The following ALK variants were observed in gnomAD, a reference collection of about 807,000 sequenced individuals.
ALK encodes ALK tyrosine kinase receptor.
Under a neutral mutation model 163.1 loss-of-function variants are expected in ALK, and 74 were observed. That is an observed-to-expected ratio of 0.45 (90% CI 0.38 to 0.55). ALK has a LOEUF of 0.55. ALK is among the 20% of genes least tolerant of loss of function. The pLI is 0.00. For missense variants in ALK, 2,063 were observed against 2,105.3 expected, an observed-to-expected ratio of 0.98 and a Z score of 0.39; for synonymous variants, 960 against 843.2, an observed-to-expected ratio of 1.14 and a Z score of -2.40.
At chr2:29,830,997 GAAGAAGAAGAA>G (rs1665374120) in intron 1 of ALK, among the ~76,000 whole-genome samples, 1 of 54,940 alleles carries the variant, frequency 1.8e-5, no homozygotes, top group Non-Finnish European at 3.7e-5. Flanking sequence ...AGAAGAAGAA[GAAGAAGAAGAA>G]GAAGGGGAAG....
intron 4 of ALK, among the ~76,000 whole-genome samples, chr2:29,481,850 A>C (rs4265967): frequency 0.55 from 83,398 of 151,510 alleles, 23,446 homozygotes; most frequent in Middle Eastern, 0.65. Context: ...GGTCAAGGTG[A>C]TATTTAAAAC....
intron 1 of ALK, among the ~76,000 whole-genome samples, chr2:29,831,976 G>T (rs575941111): frequency 6.6e-6 from 1 of 152,190 alleles, no homozygotes; most frequent in Non-Finnish European, 1.5e-5. Flanking sequence ...TGGTCTTATC[G>T]TTCAAAGATC....
chr2:29,499,340 G>T (rs55774296), intron 4 of ALK, among the ~76,000 whole-genome samples: 10,299 of 152,156 alleles, frequency 0.068, 481 homozygotes, highest in Non-Finnish European at 0.1. Flanking sequence ...GGAATTACAG[G>T]TGTGCACCAC....
intron 2 of ALK, among the ~76,000 whole-genome samples, chr2:29,716,599 G>T (rs1162691937): frequency 2.0e-5 from 3 of 152,080 alleles, no homozygotes; most frequent in Admixed American, 2.0e-4. Flanking sequence ...GTGGTACCTG[G>T]GAGAAAAAAT....
At position 29,460,924 on chromosome 2, in the gene ALK, C is replaced by T. The variant is rs188590192; in HGVS notation, c.1154+70991G>A. 2.0e-5 allele frequency among the ~76,000 whole-genome samples: 3 copies of T among 152,172 alleles called. No individual in the cohort carries two copies. In the East Asian group the frequency reaches 5.8e-4, roughly 29 times the overall value. ...AAGCTAGGCCTCTTGCACCAAATAG[C>T]CAAGTTGTGAATGCAAAGGAAAAGT... On this transcript the variant is annotated intron_variant, in intron 4 of 28. Transcript: ENST00000389048.
At chr2:29,919,764 T>G (rs1254443401) in intron 1 of ALK, among the ~76,000 whole-genome samples, 1 of 151,956 alleles carries the variant, frequency 6.6e-6, no homozygotes, top group Non-Finnish European at 1.5e-5. Flanking sequence ...AGTATGAAAC[T>G]TTTCCCCCAA....
chr2:29,664,869 G>A lies in ALK; in HGVS notation c.952+29981C>T, dbSNP rs73921147. Among the ~76,000 whole-genome samples the A allele has an allele frequency of 9.3e-3, 1,416 of 152,130 alleles. 31 individuals are homozygous for A. The highest frequency in any genetic ancestry group is 0.03 in the African/African-American group (1,261 of 41,516). On this transcript the variant is annotated intron_variant, in intron 3 of 28. Transcript: ENST00000389048. ...TATAATAGTCTTCCATATCACTTAC[G>A]GAGGTTCAGAACTTGTCCAAGGCTG...
chr2:29,641,524 G>A (rs1676702515), intron 3 of ALK, among the ~76,000 whole-genome samples: 1 of 152,076 alleles, frequency 6.6e-6, no homozygotes, highest in South Asian at 2.1e-4. Context: ...AGTCATTCAT[G>A]CTTTTATTGT....
chr2:29,295,064 A>G (rs1666136475), intron 9 of ALK, among the ~76,000 whole-genome samples: 1 of 152,136 alleles, frequency 6.6e-6, no homozygotes, highest in African/African-American at 2.4e-5. Context: ...GAATGGAAGC[A>G]CTCTTGTTTT....
At chr2:29,228,617 A>C in intron 16 of ALK, among the ~76,000 whole-genome samples, 1 of 152,066 alleles carries the variant, frequency 6.6e-6, no homozygotes, top group Admixed American at 6.5e-5. Context: ...TGGCAAGCCA[A>C]AGCCTCTTTA....
chr2:29,567,314 T>C (rs1327668291), intron 3 of ALK, among the ~76,000 whole-genome samples: 1 of 152,214 alleles, frequency 6.6e-6, no homozygotes, highest in Non-Finnish European at 1.5e-5. Context: ...TAAGATCATA[T>C]GACTAGGCCC....
intron 1 of ALK, among the ~76,000 whole-genome samples, chr2:29,849,396 C>G (rs772357544): frequency 3.9e-5 from 6 of 152,210 alleles, no homozygotes; most frequent in Non-Finnish European, 5.9e-5. Context: ...AGAAGAGGGA[C>G]TACCCACAGA....
At chr2:29,737,997 A>T (rs1315268611) in intron 1 of ALK, among the ~76,000 whole-genome samples, 2 of 152,068 alleles carry the variant, frequency 1.3e-5, no homozygotes, top group African/African-American at 2.4e-5. Context: ...GGTGGGCCTA[A>T]TTTGAGCCCT....
At chr2:29,859,958 G>A (rs1016812325) in intron 1 of ALK, among the ~76,000 whole-genome samples, 1 of 152,166 alleles carries the variant, frequency 6.6e-6, no homozygotes, top group African/African-American at 2.4e-5. Flanking sequence ...AAGGATGGGA[G>A]AAAGGAGTCA....
intron 12 of ALK, among the ~76,000 whole-genome samples, chr2:29,247,731 C>T (rs938282872): frequency 2.6e-5 from 4 of 152,156 alleles, no homozygotes; most frequent in Non-Finnish European, 5.9e-5. Flanking sequence ...GTAGCATTCG[C>T]TCCCTTCCCT....
chr2:29,871,660 A>G (rs1485147963), intron 1 of ALK, among the ~76,000 whole-genome samples: 1 of 152,200 alleles, frequency 6.6e-6, no homozygotes, highest in East Asian at 1.9e-4. Flanking sequence ...AGAGCTTTGG[A>G]CACTCTACAG....
intron 1 of ALK, among the ~76,000 whole-genome samples, chr2:29,846,255 C>A (rs1032288418): frequency 3.3e-5 from 5 of 152,206 alleles, no homozygotes; most frequent in African/African-American, 4.8e-5. Flanking sequence ...ACTTGCCCCC[C>A]CACCTGACCG....
chr2:29,611,624 A>G (rs1051770466), intron 3 of ALK, among the ~76,000 whole-genome samples: 7 of 152,166 alleles, frequency 4.6e-5, no homozygotes, highest in African/African-American at 1.7e-4. Context: ...TTGAAATGTA[A>G]TCCCCACAGT....
At chr2:29,229,550 A>T (rs1408977487) in intron 15 of ALK, among the ~76,000 whole-genome samples, 2 of 152,204 alleles carry the variant, frequency 1.3e-5, no homozygotes, top group Admixed American at 6.5e-5. Flanking sequence ...TCCTTGCAGG[A>T]ATCCTGGACT....
Sources: gnomAD v4.1 joint callset for allele counts (sites outside exome capture counted in the v4.1 genomes callset) on GRCh38, gnomAD v4.1.1 for gene constraint, MANE v1.5 for transcripts, NCBI Gene and HGNC (gene_info 2026-07-23, HGNC 2026-07-21) for gene names.